ST6GAL1: variants seen among roughly 807,000 people sequenced by gnomAD.
The protein encoded by ST6GAL1 is ST6 beta-galactoside alpha-2,6-sialyltransferase 1.
In ST6GAL1, 20 loss-of-function variants were observed where a neutral mutation model predicts 38.0. That is an observed-to-expected ratio of 0.53 (90% CI 0.37 to 0.77). The LOEUF is 0.77. ST6GAL1 is among the 30% of genes least tolerant of loss of function. The pLI, the probability that ST6GAL1 is intolerant of heterozygous loss-of-function variation, is 0.00. For missense variants in ST6GAL1, 432 were observed against 496.4 expected (o/e 0.87, Z 1.23); for synonymous variants, 196 against 188.2 (o/e 1.04, Z -0.34).
chr3:187,026,773 C>T (rs1315922842), intron 2 of ST6GAL1, among the ~76,000 whole-genome samples: 5 of 152,288 alleles, frequency 3.3e-5, no homozygotes, highest in South Asian at 4.1e-4. Context: ...GGGCCAGGTG[C>T]GGTGGCTCAC....
At chr3:187,044,326 G>A (rs1718225549) in intron 4 of ST6GAL1, among the ~76,000 whole-genome samples, 1 of 152,192 alleles carries the variant, frequency 6.6e-6, no homozygotes, top group Admixed American at 6.5e-5. Flanking sequence ...ACTGGAGCAG[G>A]TGAGGTCATA....
At chr3:187,033,994 A>C (rs187518522) in intron 2 of ST6GAL1, among the ~76,000 whole-genome samples, 1 of 152,218 alleles carries the variant, frequency 6.6e-6, no homozygotes, top group Non-Finnish European at 1.5e-5. Context: ...AAGGATAAAC[A>C]AGTTTGGTAA....
intron 6 of ST6GAL1, 33 bp downstream of exon 6, chr3:187,072,980 G>C (rs956430252): frequency 6.6e-7 from 1 of 1,524,414 alleles, no homozygotes; most frequent in African/African-American, 1.4e-5. Context: ...TAGGGGTTGA[G>C]TTTCCTGTCT....
At chr3:187,022,815 A>G (rs1717378125) in intron 2 of ST6GAL1, among the ~76,000 whole-genome samples, 1 of 152,198 alleles carries the variant, frequency 6.6e-6, no homozygotes, top group African/African-American at 2.4e-5. Context: ...ATACTATACC[A>G]GAGTCAGGTT....
At chr3:186,992,179 C>G (rs1716195344) in intron 2 of ST6GAL1, among the ~76,000 whole-genome samples, 1 of 152,124 alleles carries the variant, frequency 6.6e-6, no homozygotes. Flanking sequence ...CCCCATATGT[C>G]AAGGGAGAGA....
chr3:187,011,755 A>G (rs892769495), intron 2 of ST6GAL1, among the ~76,000 whole-genome samples: 3 of 152,108 alleles, frequency 2.0e-5, no homozygotes, highest in Non-Finnish European at 4.4e-5. Flanking sequence ...GTAAAATTTT[A>G]TTTCTGTATC....
At chr3:186,987,421 T>G (rs1715986550) in intron 2 of ST6GAL1, among the ~76,000 whole-genome samples, 1 of 152,082 alleles carries the variant, frequency 6.6e-6, no homozygotes, top group East Asian at 1.9e-4. Flanking sequence ...GGAGAGAGGA[T>G]ACAACAAGCC....
At chr3:187,002,936 G>A (rs1013423361) in intron 2 of ST6GAL1, among the ~76,000 whole-genome samples, 5 of 152,198 alleles carry the variant, frequency 3.3e-5, no homozygotes, top group Non-Finnish European at 5.9e-5. Context: ...TTTTACTGAA[G>A]AATATAAAAC....
chr3:186,983,632 A>T (rs1167587631), intron 2 of ST6GAL1, among the ~76,000 whole-genome samples: 1 of 152,160 alleles, frequency 6.6e-6, no homozygotes, highest in East Asian at 1.9e-4. Flanking sequence ...GGAGGGGATT[A>T]TAATGGTTAT....
At chr3:187,065,928 A>G (rs1719096107) in intron 5 of ST6GAL1, among the ~76,000 whole-genome samples, 1 of 152,290 alleles carries the variant, frequency 6.6e-6, no homozygotes. Context: ...CCAGAGTTTA[A>G]GTTGCTCACA....
intron 2 of ST6GAL1, among the ~76,000 whole-genome samples, chr3:187,021,648 GA>G (rs1208274923): frequency 6.7e-6 from 1 of 149,642 alleles, no homozygotes; most frequent in East Asian, 2.0e-4. Flanking sequence ...GCTGAGGCAG[GA>G]AGAATTGCTT....
intron 2 of ST6GAL1, among the ~76,000 whole-genome samples, chr3:186,984,543 C>T (rs1453439287): frequency 6.6e-6 from 1 of 152,136 alleles, no homozygotes; most frequent in Non-Finnish European, 1.5e-5. Flanking sequence ...CCAGTGCACT[C>T]CTGCCTTGAG....
chr3:186,958,407 A>T (rs1714816028), intron 1 of ST6GAL1, among the ~76,000 whole-genome samples: 1 of 152,218 alleles, frequency 6.6e-6, no homozygotes, highest in African/African-American at 2.4e-5. Context: ...GGTATATAGA[A>T]TGGTGGTAAG....
chr3:186,970,215 CTTT>C (rs34302492), intron 2 of ST6GAL1, among the ~76,000 whole-genome samples: 5 of 132,788 alleles, frequency 3.8e-5, no homozygotes, highest in Admixed American at 7.6e-5. Context: ...TTTTCTTTTT[CTTT>C]TTTTTTTTTT....
Position 186,969,096 on chromosome 3 carries a change from G to C in ST6GAL1, c.-183+5170G>C, listed in dbSNP as rs1160461809. On this transcript the variant is annotated intron_variant, in intron 2 of 7. Coordinates refer to ENST00000169298, the MANE Select transcript of ST6GAL1 (RefSeq NM_173216.2). ...AGACAGATTCTCACTCTGTGGGCCAGGCTGGAATGCAGTGGCGCAATCTCA... is the reference window on the plus strand; with the variant it reads ...AGACAGATTCTCACTCTGTGGGCCACGCTGGAATGCAGTGGCGCAATCTCA... Among the ~76,000 whole-genome samples, 3 of 148,024 alleles carry C rather than the reference G, an allele frequency of 2.0e-5. 1 individual carries two copies. Among genetic ancestry groups the C allele is most frequent in the African/African-American group, 7.5e-5 (3 of 39,888 alleles).
At chr3:186,999,996 CTG>C (rs1716562301) in intron 2 of ST6GAL1, among the ~76,000 whole-genome samples, 1 of 152,072 alleles carries the variant, frequency 6.6e-6, no homozygotes, top group African/African-American at 2.4e-5. Context: ...CACTATCACA[CTG>C]AGCTATTTTA....
intron 4 of ST6GAL1, among the ~76,000 whole-genome samples, chr3:187,050,978 C>A (rs1316388665): frequency 1.3e-5 from 2 of 152,158 alleles, no homozygotes; most frequent in African/African-American, 4.8e-5. Context: ...TTCTGTGTGC[C>A]CAGGCACAAG....
chr3:186,995,228 G>C (rs1010545120), intron 2 of ST6GAL1, among the ~76,000 whole-genome samples: 1 of 151,980 alleles, frequency 6.6e-6, no homozygotes, highest in African/African-American at 2.4e-5. Flanking sequence ...GTTAAAATGG[G>C]CCAGGCATGG....
chr3:187,057,302 C>G (rs891990591), intron 5 of ST6GAL1, among the ~76,000 whole-genome samples: 1 of 152,344 alleles, frequency 6.6e-6, no homozygotes, highest in Admixed American at 6.5e-5. Context: ...AAGCCTACTT[C>G]TGTCAGCTCG....
Sources: gnomAD v4.1 joint callset for allele counts (sites outside exome capture counted in the v4.1 genomes callset) on GRCh38, gnomAD v4.1.1 for gene constraint, MANE v1.5 for transcripts, NCBI Gene and HGNC (gene_info 2026-07-23, HGNC 2026-07-21) for gene names.